Variants in BRWD1 observed in about 807,000 individuals in gnomAD.
The protein encoded by BRWD1 is bromodomain and WD repeat-containing protein 1.
A neutral mutation model predicts 251.2 loss-of-function variants in BRWD1; 82 were observed. The ratio of observed to expected loss-of-function variants is 0.33; its 90% CI spans 0.27 to 0.39. The LOEUF is 0.39. Among genes scored for constraint, BRWD1 ranks in the 10% least tolerant of loss-of-function variants. BRWD1 has a pLI of 1.00. For missense variants in BRWD1, 2,233 were observed against 2,711.6 expected (o/e 0.82, Z 3.92); for synonymous variants, 918 against 902.8 (o/e 1.02, Z -0.30).
intron 15 of BRWD1, among the ~76,000 whole-genome samples, chr21:39,269,456 C>T (rs138872351): frequency 2.0e-5 from 3 of 151,518 alleles, no homozygotes; most frequent in African/African-American, 7.3e-5. Context: ...AGCCACCACA[C>T]CCAGCCCAAG....
chr21:39,264,659 A>T lies in BRWD1; in HGVS notation c.1686T>A (p.Thr562=). The part of the protein sequence containing the change: ...EKIPDQMFFH[T]DYRPLIRDSN... ...AATCTCTAATAAGTGGTCGATAGTC[A>T]GTATGGAAGAACATCTGATCAGGAA... Residue 562 remains threonine, a synonymous_variant, in exon 17 of 41, where the codon ACT becomes ACA. Transcript: ENST00000342449. 1 of 1,609,572 alleles carries T rather than the reference A, an allele frequency of 6.2e-7. No homozygotes were observed. Among genetic ancestry groups the T allele is most frequent in the African/African-American group, 1.3e-5 (1 of 74,890 alleles).
chr21:39,212,448 A>G (rs1568871771), intron 34 of BRWD1, among the ~76,000 whole-genome samples: 1 of 152,014 alleles, frequency 6.6e-6, no homozygotes, highest in African/African-American at 2.4e-5. Context: ...GGTAGCCTCT[A>G]TTTTTTGAAT....
At chr21:39,272,308 A>AT (rs1491459392) in intron 13 of BRWD1, among the ~76,000 whole-genome samples, 3 of 127,632 alleles carry the variant, frequency 2.4e-5, no homozygotes, top group African/African-American at 5.5e-5. Flanking sequence ...ACTTAAATAA[A>AT]TAAAAAAAAA....
Position 39,232,451 on chromosome 21 carries a change from T to C in BRWD1, c.2814A>G (p.Leu938=), listed in dbSNP as rs751251241. 1.6e-5 allele frequency: 26 copies of C among 1,587,744 alleles called. No individual in the cohort carries two copies. Among genetic ancestry groups the C allele is most frequent in the South Asian group, 3.5e-5 (3 of 85,018 alleles). ...TCCAAACTGGAGGGTGAAATTCATA[T>C]AAATGCTCCATATTTGCAAGCTCTG... The part of the protein sequence containing the change: ...TPAELANMEH[L]YEFHPPVWIT... The change falls in exon 24 of 41, where the codon TTA becomes TTG. Residue 938 remains leucine (L), a synonymous_variant. Transcript: ENST00000342449.
chr21:39,318,892 G>A lies in BRWD1; in HGVS notation n.534+2134C>T, dbSNP rs73359601. ...GCCTTGATCTTCCTGGACTTCTGTT[G>A]GATAAATTCCCTAGGAAGAGGAGAG... is the stretch of plus-strand genomic sequence containing the variant. On this transcript the variant is annotated intron_variant and non_coding_transcript_variant, in intron 1 of 4. Coordinates refer to the BRWD1 transcript ENST00000470108. 4.8e-3 allele frequency among the ~76,000 whole-genome samples: 723 copies of A among 152,164 alleles called. 7 individuals are homozygous for A. Among genetic ancestry groups the A allele is most frequent in the African/African-American group, 0.017 (709 of 41,510 alleles).
intron 21 of BRWD1, among the ~76,000 whole-genome samples, chr21:39,243,751 CTGAT>C (rs2034083208): frequency 6.6e-6 from 1 of 152,128 alleles, no homozygotes; most frequent in Admixed American, 6.5e-5. Flanking sequence ...TGCACCCAGC[CTGAT>C]TTTGATAATT....
At chr21:39,202,186 T>C (rs2032142617) in intron 38 of BRWD1, 139 bp downstream of exon 38, 1 of 577,422 alleles carries the variant, frequency 1.7e-6, no homozygotes, top group Non-Finnish European at 3.0e-6. Context: ...ATGTTTATTA[T>C]GTTTATCTCT....
chr21:39,278,270 T>C (rs897999989), intron 10 of BRWD1, among the ~76,000 whole-genome samples: 4 of 152,192 alleles, frequency 2.6e-5, no homozygotes, highest in Non-Finnish European at 4.4e-5. Flanking sequence ...CCCTAGCTTG[T>C]TCAAGTTTTC....
At chr21:39,233,768 C>T (rs2033709420) in intron 23 of BRWD1, among the ~76,000 whole-genome samples, 1 of 152,204 alleles carries the variant, frequency 6.6e-6, no homozygotes. Context: ...GCCTGTAATC[C>T]CAGCACTCTG....
Position 39,188,743 on chromosome 21 carries a change from AG to A in BRWD1, c.*7515del, listed in dbSNP as rs1395648282. The A allele has an allele frequency of 1.0e-6, 1 of 985,304 alleles. No individual in the cohort carries two copies. Among genetic ancestry groups the A allele is most frequent in the Non-Finnish European group, 1.2e-6 (1 of 829,918 alleles). The allele number at this position is 985,304 out of a possible 1,614,324, so 61.0% of individuals were successfully genotyped here. On this transcript the variant is annotated 3_prime_UTR_variant, in exon 41 of 41. Coordinates refer to ENST00000342449, the MANE Select transcript of BRWD1 (RefSeq NM_033656.4). ...CTAAGATCAGTTGAGCGTTCTCCCC[AG>A]AATAGGTTAGGAAATACTTTATTCA...
At chr21:39,251,807 T>C (rs2034403675) in intron 19 of BRWD1, among the ~76,000 whole-genome samples, 1 of 152,194 alleles carries the variant, frequency 6.6e-6, no homozygotes, top group Non-Finnish European at 1.5e-5. Flanking sequence ...CTGATATCTG[T>C]ATGTTTCCCT....
rs2031442287 is a variant in BRWD1, at chr21:39,189,681, AT to A, written c.*6577del. The A allele has an allele frequency of 5.1e-6, 5 of 981,968 alleles. No individual in the cohort carries two copies. In the South Asian group the frequency reaches 1.4e-4, roughly 28 times the overall value. 60.8% of individuals were successfully genotyped at this position (981,968 alleles called of 1,614,324 possible). A position where few individuals can be genotyped will look rare whatever the true frequency, so the allele number is the denominator to read the frequency against. On this transcript the variant is annotated 3_prime_UTR_variant, in exon 41 of 41. Transcript: ENST00000342449. Reference sequence around the variant, plus strand: ...TCTGAGGAAGACAAAACTGTGGAGAATTTTTTTAAATACATTCAAGTCAGTG... The same window carrying A: ...TCTGAGGAAGACAAAACTGTGGAGAATTTTTTAAATACATTCAAGTCAGTG...
chr21:39,196,773 C>T lies in BRWD1; in HGVS notation c.6296G>A (p.Arg2099Lys). ...AGCCTTTCCATAGGTCCTGAGTCTT[C>T]TGCCATTCCACCTGCGCAGCCCATA... ...LNYGLRRWNG[R>K]RLRTYGKAPF... The change falls in exon 41 of 41, where the codon AGA (arginine) becomes AAA (lysine). Residue 2099 changes from arginine (R) to lysine (K), a missense_variant. This residue lies in a region of BRWD1 where 928 missense variants were observed against 970.0 expected (regional missense o/e 0.96). Transcript: ENST00000342449. The T allele has an allele frequency of 6.2e-7, 1 of 1,613,268 alleles. No homozygotes were observed. Among genetic ancestry groups the T allele is most frequent in the Non-Finnish European group, 8.5e-7 (1 of 1,179,880 alleles).
chr21:39,294,108 C>T (rs2035888295), intron 7 of BRWD1, 76 bp from the exon 8 acceptor site: 1 of 1,177,936 alleles, frequency 8.5e-7, no homozygotes. Context: ...CTTTTATATG[C>T]CATCCAAATT....
chr21:39,255,512 A>C, intron 19 of BRWD1, 133 bp downstream of exon 19: 1 of 723,742 alleles, frequency 1.4e-6, no homozygotes, highest in Non-Finnish European at 2.2e-6. Flanking sequence ...CAATTAAGAT[A>C]GTAAGATTCC....
intron 4 of BRWD1, among the ~76,000 whole-genome samples, chr21:39,302,717 T>C (rs907752700): frequency 5.8e-5 from 8 of 138,738 alleles, no homozygotes; most frequent in African/African-American, 2.2e-4. Flanking sequence ...GTCACACCAC[T>C]GCACTCACTC....
At chr21:39,243,229 A>C (rs886251584) in intron 21 of BRWD1, among the ~76,000 whole-genome samples, 4 of 152,184 alleles carry the variant, frequency 2.6e-5, no homozygotes, top group Admixed American at 6.5e-5. Flanking sequence ...GCATGACCCT[A>C]ATCATCAAAA....
At position 39,199,007 on chromosome 21, in the gene BRWD1, G is replaced by A; in HGVS notation, c.5409C>T (p.Tyr1803=). ...AACTCGCATTCTTGTGAAATGTATT[G>A]TATTTCCTACCACCAGATCTTCCTG... ...SEPGRSGGRK[Y]NTFHKNASFF... is the part of the protein sequence containing the mutation. The change falls in exon 40 of 41, where the codon TAC becomes TAT. Residue 1803 remains tyrosine, a synonymous_variant. Coordinates refer to ENST00000342449, the MANE Select transcript of BRWD1 (RefSeq NM_033656.4). The A allele has an allele frequency of 6.2e-7, 1 of 1,614,038 alleles. No homozygotes were observed. The highest frequency in any genetic ancestry group is 8.5e-7 in the Non-Finnish European group (1 of 1,179,998).
At chr21:39,320,056 T>C (rs78237836) in intron 1 of BRWD1, among the ~76,000 whole-genome samples, 14,321 of 152,178 alleles carry the variant, frequency 0.094, 793 homozygotes, top group East Asian at 0.14. Flanking sequence ...CTCTCCTCCC[T>C]CCCTGCTCCA....
Sources: gnomAD v4.1 joint callset for allele counts (sites outside exome capture counted in the v4.1 genomes callset) on GRCh38, gnomAD v4.1.1 for gene constraint, gnomAD v4.1.1 regional missense constraint, MANE v1.5 for transcripts, NCBI Gene and HGNC (gene_info 2026-07-23, HGNC 2026-07-21) for gene names.